Variants in DCDC1 observed in about 807,000 individuals in gnomAD.
The protein encoded by DCDC1 is doublecortin domain-containing protein 1.
DCDC1 carries 200 observed loss-of-function variants against 178.3 expected under a neutral mutation model. The observed-to-expected ratio is 1.12, with a 90% confidence interval of 1.00 to 1.26. The LOEUF is 1.26. DCDC1 is among the 50% of genes most tolerant of loss of function. The pLI, the probability that DCDC1 is intolerant of heterozygous loss-of-function variation, is 0.00. For synonymous variants in DCDC1, 690 were observed against 604.8 expected (o/e 1.14, Z -2.07); for missense variants, 1,983 against 1,749.2 (o/e 1.13, Z -2.38).
chr11:31,264,132 A>G (rs992787640), intron 8 of DCDC1, among the ~76,000 whole-genome samples: 3 of 152,214 alleles, frequency 2.0e-5, no homozygotes, highest in African/African-American at 7.2e-5. Flanking sequence ...TGCCACATTT[A>G]TGAGTGTCAG....
intron 11 of DCDC1, among the ~76,000 whole-genome samples, chr11:31,114,308 T>C (rs892381739): frequency 6.6e-6 from 1 of 152,160 alleles, no homozygotes. Flanking sequence ...ATAGTTAAAA[T>C]ACATTACATT....
intron 11 of DCDC1, among the ~76,000 whole-genome samples, chr11:31,113,763 GC>G (rs1959390476): frequency 6.6e-6 from 1 of 151,986 alleles, no homozygotes; most frequent in South Asian, 2.1e-4. Flanking sequence ...AGATAATCTG[GC>G]CTTATCTCTA....
intron 37 of DCDC1, 57 bp from the exon 38 acceptor site, chr11:30,878,768 T>C (rs1448623202): frequency 1.2e-5 from 18 of 1,490,584 alleles, no homozygotes; most frequent in Non-Finnish European, 1.5e-5. Flanking sequence ...TAGAAAATAA[T>C]TAAAAGTCCA....
chr11:30,872,694 C>G (rs974029256), intron 38 of DCDC1, among the ~76,000 whole-genome samples: 50 of 152,172 alleles, frequency 3.3e-4, no homozygotes, highest in African/African-American at 1.1e-3. Flanking sequence ...ATGGCTGATT[C>G]ATTCTTGTCT....
chr11:31,275,489 C>CGTT (rs749933140), intron 7 of DCDC1, among the ~76,000 whole-genome samples: 2 of 152,004 alleles, frequency 1.3e-5, no homozygotes, highest in East Asian at 1.9e-4. Flanking sequence ...TTTCTGTCGT[C>CGTT]GTTGTTGTTG....
intron 1 of DCDC1, among the ~76,000 whole-genome samples, chr11:31,346,419 G>A (rs975471560): frequency 1.5e-5 from 2 of 135,908 alleles, no homozygotes; most frequent in African/African-American, 5.8e-5. Flanking sequence ...AGCCAAGATT[G>A]CACCACTGCA....
At chr11:31,129,590 G>A (rs181679519) in intron 10 of DCDC1, among the ~76,000 whole-genome samples, 88 of 152,126 alleles carry the variant, frequency 5.8e-4, no homozygotes, top group Non-Finnish European at 8.8e-4. Flanking sequence ...ATAAGCTGCA[G>A]GCTAGATTTG....
intron 22 of DCDC1, among the ~76,000 whole-genome samples, chr11:30,930,614 A>G (rs1946864242): frequency 6.6e-6 from 1 of 152,168 alleles, no homozygotes; most frequent in Non-Finnish European, 1.5e-5. Flanking sequence ...CAAATTTACC[A>G]TTTCAATCTC....
rs184689613 is a variant in DCDC1 at position 31,164,425 on chromosome 11, C to G, written c.1222-26641G>C. On this transcript the variant is annotated intron_variant, in intron 9 of 38. Coordinates refer to ENST00000684477, the MANE Select transcript of DCDC1 (RefSeq NM_001387274.1). ...ATCATTATAATAGGAGATAGCAGCT[C>G]CATGCATGTTACTGAAGACCTTCTA... Among the ~76,000 whole-genome samples the G allele has an allele frequency of 5.2e-3, 797 of 152,194 alleles. 5 individuals are homozygous for G. The highest frequency in any genetic ancestry group is 0.02 in the South Asian group (98 of 4,822).
rs928298491 is a variant in DCDC1 at position 30,906,569 on chromosome 11, C to T, written c.4075G>A (p.Gly1359Arg). Reference protein sequence around the residue: ...GTKTQKPFLQGPFKVISVAEV... With the variant: ...GTKTQKPFLQRPFKVISVAEV... ...GCCACACTGATGACCTTGAAGGGCC[C>T]TTGTAAGAAGGGCTTCTGAGTCTTG... is the stretch of plus-strand genomic sequence containing the variant. The change falls in exon 30 of 39, where the codon GGG becomes AGG. Residue 1359 changes from glycine to arginine, a missense_variant. Coordinates refer to ENST00000684477, the MANE Select transcript of DCDC1 (RefSeq NM_001387274.1). 6.2e-7 allele frequency: 1 copy of T among 1,613,086 alleles called. No homozygotes were observed. Among genetic ancestry groups the T allele is most frequent in the African/African-American group, 1.3e-5 (1 of 74,984 alleles).
At chr11:30,869,665 G>A (rs778081145) in intron 38 of DCDC1, among the ~76,000 whole-genome samples, 1 of 152,186 alleles carries the variant, frequency 6.6e-6, no homozygotes, top group Non-Finnish European at 1.5e-5. Context: ...TGAGAAAGCT[G>A]CAGGAAGAAA....
intron 38 of DCDC1, among the ~76,000 whole-genome samples, chr11:30,872,983 C>T (rs1034434719): frequency 6.6e-6 from 1 of 151,282 alleles, no homozygotes; most frequent in Admixed American, 6.6e-5. Flanking sequence ...AGTGCAGTGA[C>T]TGCCTGAATA....
At chr11:31,067,124 T>G (rs1246789077) in intron 18 of DCDC1, among the ~76,000 whole-genome samples, 1 of 152,138 alleles carries the variant, frequency 6.6e-6, no homozygotes, top group Non-Finnish European at 1.5e-5. Context: ...AAAAATTGTG[T>G]TGCAAACAAT....
chr11:30,954,116 C>T (rs1409847281), intron 20 of DCDC1, among the ~76,000 whole-genome samples: 1 of 149,990 alleles, frequency 6.7e-6, no homozygotes, highest in Non-Finnish European at 1.5e-5. Flanking sequence ...CCCGGGTTCA[C>T]GCCATTCTCC....
At chr11:31,101,343 G>A (rs147842032) in intron 15 of DCDC1, among the ~76,000 whole-genome samples, 43 of 144,484 alleles carry the variant, frequency 3.0e-4, no homozygotes, top group African/African-American at 9.8e-4. Context: ...GATTTAAAAC[G>A]CCTTTCATAA....
At chr11:30,958,727 T>C (rs1272000214) in intron 20 of DCDC1, among the ~76,000 whole-genome samples, 1 of 152,170 alleles carries the variant, frequency 6.6e-6, no homozygotes, top group Non-Finnish European at 1.5e-5. Context: ...CTTCAGAATC[T>C]GTATTCCTAT....
intron 8 of DCDC1, among the ~76,000 whole-genome samples, chr11:31,256,863 G>T (rs1425329497): frequency 2.6e-5 from 4 of 152,154 alleles, no homozygotes; most frequent in Non-Finnish European, 5.9e-5. Context: ...TTGATGTTCA[G>T]AAAATGCTGG....
intron 21 of DCDC1, among the ~76,000 whole-genome samples, chr11:30,951,888 C>A (rs185803002): frequency 3.5e-4 from 53 of 152,196 alleles, no homozygotes; most frequent in Admixed American, 9.2e-4. Flanking sequence ...CAATTCACAC[C>A]TGTAATTGCA....
At chr11:31,272,873 C>T (rs903186129) in intron 7 of DCDC1, among the ~76,000 whole-genome samples, 1 of 152,210 alleles carries the variant, frequency 6.6e-6, no homozygotes, top group Admixed American at 6.5e-5. Flanking sequence ...TGGTGGTCCT[C>T]TTCTTACAGG....
Sources: gnomAD v4.1 joint callset for allele counts (sites outside exome capture counted in the v4.1 genomes callset) on GRCh38, gnomAD v4.1.1 for gene constraint, MANE v1.5 for transcripts, NCBI Gene and HGNC (gene_info 2026-07-23, HGNC 2026-07-21) for gene names.